The following EXOC4 variants were observed in gnomAD, a reference collection of about 807,000 sequenced individuals.
The protein encoded by EXOC4 is SEC8-like 1.
EXOC4 carries 71 observed loss-of-function variants against 107.2 expected under a neutral mutation model. That is an observed-to-expected ratio of 0.66 (90% CI 0.55 to 0.81). The LOEUF is 0.81. Ranked by LOEUF, EXOC4 falls within the 30% of genes least tolerant of loss-of-function variation. EXOC4 has a pLI of 0.00. For missense variants in EXOC4, 1,108 were observed against 1,189.6 expected (o/e 0.93, Z 1.01); for synonymous variants, 456 against 441.2 (o/e 1.03, Z -0.42).
intron 10 of EXOC4, among the ~76,000 whole-genome samples, chr7:133,811,738 A>G (rs1041144344): frequency 2.0e-5 from 3 of 152,210 alleles, no homozygotes; most frequent in Admixed American, 2.0e-4. Flanking sequence ...ATCCTCTGTC[A>G]ATAAGAATTA....
intron 3 of EXOC4, among the ~76,000 whole-genome samples, chr7:133,304,090 G>C (rs1362404235): frequency 6.6e-6 from 1 of 152,180 alleles, no homozygotes; most frequent in African/African-American, 2.4e-5. Flanking sequence ...AAGTGTGGAT[G>C]TGCAGTGGGT....
intron 10 of EXOC4, among the ~76,000 whole-genome samples, chr7:133,781,663 T>C (rs562719290): frequency 1.2e-4 from 18 of 152,296 alleles, no homozygotes; most frequent in East Asian, 1.2e-3. Flanking sequence ...GTGGGAGAGA[T>C]TGATATGTCC....
intron 13 of EXOC4, among the ~76,000 whole-genome samples, chr7:133,920,016 G>C (rs1476495768): frequency 1.3e-5 from 2 of 152,196 alleles, no homozygotes; most frequent in African/African-American, 4.8e-5. Context: ...CAAGGAACAA[G>C]AGCTCCTGTT....
At chr7:134,027,638 CAG>C in intron 17 of EXOC4, among the ~76,000 whole-genome samples, 2 of 119,682 alleles carry the variant, frequency 1.7e-5, no homozygotes, top group South Asian at 2.8e-4. Flanking sequence ...AGCCTGGCGA[CAG>C]AGAGAGACTC....
At chr7:133,310,830 T>A (rs1019287082) in intron 4 of EXOC4, among the ~76,000 whole-genome samples, 3 of 152,216 alleles carry the variant, frequency 2.0e-5, no homozygotes, top group African/African-American at 7.2e-5. Flanking sequence ...CTGGACTCCT[T>A]CAGCTTCCAT....
intron 7 of EXOC4, among the ~76,000 whole-genome samples, chr7:133,394,761 A>G (rs1008887629): frequency 6.6e-6 from 1 of 152,178 alleles, no homozygotes; most frequent in Non-Finnish European, 1.5e-5. Flanking sequence ...TGTTTGCCAA[A>G]TGGGAAGGCA....
At chr7:133,842,475 T>C (rs981464979) in intron 11 of EXOC4, among the ~76,000 whole-genome samples, 5 of 152,232 alleles carry the variant, frequency 3.3e-5, no homozygotes, top group South Asian at 2.1e-4. Context: ...TTCATGTCCT[T>C]TGCCCACTTC....
intron 9 of EXOC4, among the ~76,000 whole-genome samples, chr7:133,517,443 C>T (rs1461921701): frequency 1.3e-5 from 2 of 152,168 alleles, no homozygotes; most frequent in African/African-American, 4.8e-5. Context: ...TGTATTAGCT[C>T]ATTTTCATGC....
intron 10 of EXOC4, among the ~76,000 whole-genome samples, chr7:133,637,485 A>G (rs925763181): frequency 6.6e-6 from 1 of 152,208 alleles, no homozygotes; most frequent in Non-Finnish European, 1.5e-5. Flanking sequence ...AATGAGCTAA[A>G]GCCTATGTAG....
intron 14 of EXOC4, among the ~76,000 whole-genome samples, chr7:133,968,699 C>T (rs191844742): frequency 5.9e-5 from 9 of 152,162 alleles, no homozygotes; most frequent in African/African-American, 1.2e-4. Flanking sequence ...TGGGTTGCTG[C>T]GGAGAGATCC....
intron 9 of EXOC4, among the ~76,000 whole-genome samples, chr7:133,523,580 T>C (rs1045758480): frequency 6.6e-6 from 1 of 152,052 alleles, no homozygotes; most frequent in African/African-American, 2.4e-5. Context: ...CTCCCAATGC[T>C]ATCCCTCCCC....
intron 17 of EXOC4, among the ~76,000 whole-genome samples, chr7:134,011,520 G>A (rs1009676341): frequency 1.3e-5 from 2 of 151,174 alleles, no homozygotes; most frequent in African/African-American, 4.9e-5. Flanking sequence ...TTTTTGGACT[G>A]GTATCTTTCA....
intron 17 of EXOC4, chr7:134,009,737 T>TA (rs1437839227): frequency 6.6e-6 from 1 of 152,224 alleles, no homozygotes; most frequent in African/African-American, 2.4e-5. Context: ...AACCCATTAC[T>TA]AATGCTCTAA....
At chr7:133,988,702 T>C (rs1794177480) in intron 14 of EXOC4, among the ~76,000 whole-genome samples, 1 of 152,058 alleles carries the variant, frequency 6.6e-6, no homozygotes, top group African/African-American at 2.4e-5. Flanking sequence ...GTAAGAGCCA[T>C]CAAAGGTGTA....
chr7:134,040,394 C>T (rs1262849265), intron 17 of EXOC4, among the ~76,000 whole-genome samples: 1 of 152,158 alleles, frequency 6.6e-6, no homozygotes, highest in Non-Finnish European at 1.5e-5. Context: ...CACGGTGCAA[C>T]CTCCATGCCT....
downstream of EXOC4, chr7:134,065,823 T>G (rs1465582129): frequency 6.6e-6 from 1 of 152,248 alleles, no homozygotes; most frequent in Non-Finnish European, 1.5e-5. Flanking sequence ...GCCTAATATG[T>G]GCTCCATGCT....
intron 11 of EXOC4, among the ~76,000 whole-genome samples, chr7:133,819,612 A>G (rs1452294713): frequency 5.3e-5 from 8 of 152,274 alleles, no homozygotes; most frequent in Admixed American, 5.2e-4. Context: ...TAACAAAAAT[A>G]TGTTTACTTT....
intron 9 of EXOC4, among the ~76,000 whole-genome samples, chr7:133,565,263 A>G (rs1189133387): frequency 3.9e-5 from 6 of 152,176 alleles, no homozygotes; most frequent in Admixed American, 2.6e-4. Context: ...TCCTGAGCTT[A>G]ACCGCCTCCA....
At chr7:133,922,573 G>C (rs546882136) in intron 13 of EXOC4, among the ~76,000 whole-genome samples, 1 of 152,072 alleles carries the variant, frequency 6.6e-6, no homozygotes, top group Non-Finnish European at 1.5e-5. Context: ...ATGGCCGGGC[G>C]CGGTGGCTCA....
Sources: gnomAD v4.1 joint callset for allele counts (sites outside exome capture counted in the v4.1 genomes callset) on GRCh38, gnomAD v4.1.1 for gene constraint, MANE v1.5 for transcripts, NCBI Gene and HGNC (gene_info 2026-07-23, HGNC 2026-07-21) for gene names.